SLC35F3: variants seen among roughly 807,000 people sequenced by gnomAD.
The protein encoded by SLC35F3 is solute carrier family 35 member F3, also known as putative thiamine transporter SLC35F3.
In SLC35F3, 25 loss-of-function variants were observed where a neutral mutation model predicts 49.9. That is an observed-to-expected ratio of 0.50 (90% CI 0.37 to 0.70). The LOEUF is 0.70. SLC35F3 is among the 30% of genes least tolerant of loss of function. SLC35F3 has a pLI of 0.00. For missense variants in SLC35F3, 525 were observed against 639.8 expected (o/e 0.82, Z 1.94); for synonymous variants, 275 against 265.4 (o/e 1.04, Z -0.35).
At chr1:234,192,071 G>A (rs760782350) in intron 2 of SLC35F3, among the ~76,000 whole-genome samples, 8 of 151,956 alleles carry the variant, frequency 5.3e-5, no homozygotes, top group South Asian at 2.1e-4. Flanking sequence ...TATTCCACAA[G>A]ACAGAGAAAG....
At chr1:234,168,619 C>T (rs1666352795) in intron 2 of SLC35F3, among the ~76,000 whole-genome samples, 1 of 152,228 alleles carries the variant, frequency 6.6e-6, no homozygotes, top group Non-Finnish European at 1.5e-5. Flanking sequence ...ATATGGAGCA[C>T]AGTATCTATG....
At chr1:234,255,942 T>G (rs1667815351) in intron 3 of SLC35F3, among the ~76,000 whole-genome samples, 1 of 152,160 alleles carries the variant, frequency 6.6e-6, no homozygotes, top group Admixed American at 6.5e-5. Flanking sequence ...AGCCCTAATT[T>G]AAACTACAGG....
At chr1:234,319,357 G>A (rs1214065165) in intron 6 of SLC35F3, among the ~76,000 whole-genome samples, 1 of 151,976 alleles carries the variant, frequency 6.6e-6, no homozygotes, top group Admixed American at 6.6e-5. Flanking sequence ...TATAAGTCTA[G>A]AGCTAGGCAG....
intron 4 of SLC35F3, among the ~76,000 whole-genome samples, chr1:234,310,155 G>A (rs1358539824): frequency 3.9e-5 from 6 of 152,136 alleles, no homozygotes; most frequent in African/African-American, 1.4e-4. Flanking sequence ...TCACTGCCCC[G>A]TCATCACCTT....
At chr1:234,257,862 C>T (rs2102966757) in intron 3 of SLC35F3, among the ~76,000 whole-genome samples, 1 of 152,244 alleles carries the variant, frequency 6.6e-6, no homozygotes, top group South Asian at 2.1e-4. Flanking sequence ...ACAAGCATTC[C>T]TTTTATAGGT....
chr1:234,010,535 A>G (rs1230134385), intron 2 of SLC35F3, among the ~76,000 whole-genome samples: 1 of 152,188 alleles, frequency 6.6e-6, no homozygotes, highest in Non-Finnish European at 1.5e-5. Flanking sequence ...ATCTCCAATA[A>G]AAAGACAGAG....
intron 2 of SLC35F3, among the ~76,000 whole-genome samples, chr1:233,943,694 T>C (rs539509558): frequency 1.9e-3 from 296 of 152,306 alleles, no homozygotes; most frequent in Non-Finnish European, 3.5e-3. Flanking sequence ...TATCTGGTAA[T>C]GTGATCACTT....
At chr1:234,206,369 TGAGGAGCAGGGTGCCCA>T (rs1201736156) in intron 2 of SLC35F3, among the ~76,000 whole-genome samples, 1 of 150,670 alleles carries the variant, frequency 6.6e-6, no homozygotes, top group Non-Finnish European at 1.5e-5. Flanking sequence ...AGGGACAGTG[TGAGGAGCAGGGTGCCCA>T]GAGGCATCCG....
At chr1:233,976,473 C>T (rs1370906358) in intron 2 of SLC35F3, among the ~76,000 whole-genome samples, 1 of 152,206 alleles carries the variant, frequency 6.6e-6, no homozygotes, top group African/African-American at 2.4e-5. Flanking sequence ...TTCTCGGCTT[C>T]AAACTATACA....
intron 2 of SLC35F3, among the ~76,000 whole-genome samples, chr1:234,063,981 C>G (rs1458313252): frequency 6.6e-6 from 1 of 152,166 alleles, no homozygotes; most frequent in Non-Finnish European, 1.5e-5. Flanking sequence ...GTTAACTGCA[C>G]CTGGAATGAA....
chr1:234,074,422 T>C (rs1270661828), intron 2 of SLC35F3, among the ~76,000 whole-genome samples: 1 of 152,152 alleles, frequency 6.6e-6, no homozygotes, highest in Non-Finnish European at 1.5e-5. Flanking sequence ...CAAATAGACA[T>C]AGATATTGAA....
intron 2 of SLC35F3, among the ~76,000 whole-genome samples, chr1:233,992,866 T>TGGAAAGTGGGAGGGCAGCCTGTCTGAAAG (rs374736809): frequency 3.8e-4 from 58 of 151,788 alleles, no homozygotes; most frequent in African/African-American, 1.4e-3. Context: ...AAAACAGAAA[T>TGGAAAGTGGGAGGGCAGCCTGTCTGAAAG]GGAAAGTGGG....
At chr1:234,304,776 G>T (rs1657095729) in intron 3 of SLC35F3, among the ~76,000 whole-genome samples, 1 of 152,154 alleles carries the variant, frequency 6.6e-6, no homozygotes, top group Non-Finnish European at 1.5e-5. Context: ...ATGAGCAGGG[G>T]CTGCTCTTGA....
intron 2 of SLC35F3, among the ~76,000 whole-genome samples, chr1:234,203,228 A>G (rs534738623): frequency 6.6e-6 from 1 of 152,382 alleles, no homozygotes; most frequent in South Asian, 2.1e-4. Flanking sequence ...AGGGACAATG[A>G]CATTAAAAGC....
chr1:234,119,432 TA>T lies in SLC35F3; in HGVS notation c.284-111984del, dbSNP rs143229455. On this transcript the variant is annotated intron_variant, in intron 2 of 7. Coordinates refer to ENST00000366618, the MANE Select transcript of SLC35F3 (RefSeq NM_173508.4). Reference sequence around the variant, plus strand: ...TCGTGGCAAAGCTAATTCCAAATTATAGCTAATTTGTTATTAAAAAGTTTAA... The same window carrying T: ...TCGTGGCAAAGCTAATTCCAAATTATGCTAATTTGTTATTAAAAAGTTTAA... Among the ~76,000 whole-genome samples, 21 of 152,230 alleles carry T rather than the reference TA, an allele frequency of 1.4e-4. No individual in the cohort carries two copies. The East Asian group carries it at 3.1e-3, about 22-fold the overall frequency.
rs555347788 is a variant in SLC35F3, at chr1:233,996,349, G to A, written c.283+90591G>A. ...TGCAAACACCATGCTACTTATCTAC[G>A]GGAATGGAGCATCCTCGGATTTTGG... On this transcript the variant is annotated intron_variant, in intron 2 of 7. Coordinates refer to ENST00000366618, the MANE Select transcript of SLC35F3 (RefSeq NM_173508.4). 7.7e-4 allele frequency among the ~76,000 whole-genome samples: 117 copies of A among 152,228 alleles called. 2 individuals carry two copies. The highest frequency in any genetic ancestry group is 3.4e-3 in the Middle Eastern group (1 of 294).
chr1:234,160,091 C>T lies in SLC35F3; in HGVS notation c.284-71326C>T, dbSNP rs182545124. Among the ~76,000 whole-genome samples the T allele has an allele frequency of 2.9e-3, 445 of 152,280 alleles. 1 individual carries two copies. The highest frequency in any genetic ancestry group is 0.01 in the Middle Eastern group (3 of 294). On this transcript the variant is annotated intron_variant, in intron 2 of 7. Transcript: ENST00000366618. ...AGGATTTGGATTCAAGGATAAAGTC[C>T]TATATTTCTCCATCAAGGGCCCAGC... is the stretch of plus-strand genomic sequence containing the variant.
At chr1:234,099,381 G>A (rs1265879692) in intron 2 of SLC35F3, among the ~76,000 whole-genome samples, 1 of 152,112 alleles carries the variant, frequency 6.6e-6, no homozygotes, top group Non-Finnish European at 1.5e-5. Flanking sequence ...GGAGGCTGAG[G>A]CAGGCAGATC....
At chr1:234,053,285 A>G (rs1664405399) in intron 2 of SLC35F3, among the ~76,000 whole-genome samples, 1 of 152,156 alleles carries the variant, frequency 6.6e-6, no homozygotes, top group South Asian at 2.1e-4. Flanking sequence ...GTCTCTTTGT[A>G]GATCTCTAAG....
Sources: gnomAD v4.1 joint callset for allele counts (sites outside exome capture counted in the v4.1 genomes callset) on GRCh38, gnomAD v4.1.1 for gene constraint, MANE v1.5 for transcripts, NCBI Gene and HGNC (gene_info 2026-07-23, HGNC 2026-07-21) for gene names.